Variants in PIK3C2A observed in about 807,000 individuals in gnomAD.
PIK3C2A encodes the protein phosphatidylinositol-4-phosphate 3-kinase catalytic subunit type 2 alpha, also known as phosphatidylinositol 4-phosphate 3-kinase C2 domain-containing subunit alpha.
In PIK3C2A, 97 loss-of-function variants were observed where a neutral mutation model predicts 204.5. The observed-to-expected ratio is 0.47, with a 90% CI of 0.40 to 0.56. The LOEUF (loss-of-function observed/expected upper bound fraction) is 0.56. Among genes scored for constraint, PIK3C2A ranks in the 20% least tolerant of loss-of-function variants. The probability of loss-of-function intolerance (pLI) is 0.00; values close to 1 mark genes in which losing one functional copy is unlikely to be tolerated. For missense variants in PIK3C2A, 1,735 were observed against 1,969.2 expected, an observed-to-expected ratio of 0.88 and a Z score of 2.25; for synonymous variants, 653 against 664.4, an observed-to-expected ratio of 0.98 and a Z score of 0.26.
At chr11:17,149,512 A>G (rs1850360234) in intron 4 of PIK3C2A, among the ~76,000 whole-genome samples, 5 of 152,168 alleles carry the variant, frequency 3.3e-5, no homozygotes, top group Admixed American at 1.3e-4. Flanking sequence ...TCTAGCAAAC[A>G]ATGATTTAAA....
At chr11:17,115,956 T>C (rs1251041441) in intron 19 of PIK3C2A, among the ~76,000 whole-genome samples, 1 of 152,082 alleles carries the variant, frequency 6.6e-6, no homozygotes, top group Non-Finnish European at 1.5e-5. Context: ...AAAACACAGG[T>C]GTACATCTTT....
intron 6 of PIK3C2A, 44 bp from the exon 7 acceptor site, chr11:17,145,986 GTCTT>G (rs2137423748): frequency 2.1e-6 from 3 of 1,401,960 alleles, no homozygotes; most frequent in East Asian, 2.3e-5. Context: ...CCACTCTTTG[GTCTT>G]TCTATTGTCA....
At chr11:17,138,305 G>A in intron 8 of PIK3C2A, 2 of 573,546 alleles carry the variant, frequency 3.5e-6, no homozygotes, top group Non-Finnish European at 6.3e-6. Flanking sequence ...TGCCCCGGAA[G>A]ACGAAAAACA....
At chr11:17,130,635 T>C (rs1365431808) in intron 12 of PIK3C2A, among the ~76,000 whole-genome samples, 1 of 144,798 alleles carries the variant, frequency 6.9e-6, no homozygotes, top group Admixed American at 6.9e-5. Flanking sequence ...CAAAACCCCT[T>C]TTCTACTAAA....
chr11:17,166,997 G>A (rs1473997431), intron 2 of PIK3C2A, among the ~76,000 whole-genome samples: 1 of 152,010 alleles, frequency 6.6e-6, no homozygotes, highest in African/African-American at 2.4e-5. Context: ...TTGAGATAGA[G>A]TCTTGCTCTG....
intron 19 of PIK3C2A, among the ~76,000 whole-genome samples, chr11:17,114,848 C>T (rs1214440190): frequency 6.6e-6 from 1 of 152,100 alleles, no homozygotes; most frequent in Non-Finnish European, 1.5e-5. Context: ...TTTTGTAGAG[C>T]AATGTAACAA....
chr11:17,115,746 T>C (rs1374412967), intron 19 of PIK3C2A: 1 of 152,128 alleles, frequency 6.6e-6, no homozygotes, highest in Non-Finnish European at 1.5e-5. Context: ...TTAGTATATG[T>C]GTTACCGAAG....
rs200227538 is a variant in PIK3C2A at position 17,207,509 on chromosome 11, AGGGGGGCCGGCGGCC to A, written c.-66+324_-66+338del. Among the ~76,000 whole-genome samples the A allele has an allele frequency of 2.4e-3, 361 of 151,920 alleles. 1 individual carries two copies. Among genetic ancestry groups the A allele is most frequent in the Admixed American group, 6.9e-3 (105 of 15,278 alleles). On this transcript the variant is annotated intron_variant, in intron 1 of 32. Transcript: ENST00000691414. The stretch of plus-strand genomic sequence containing the variant: ...CCGGTCCCGCGGGACAAGGCGGGGG[AGGGGGGCCGGCGGCC>A]GGGGGGCCTGCCCTCCTTCTGTGGG...
At chr11:17,175,031 T>C (rs930147482) in intron 1 of PIK3C2A, among the ~76,000 whole-genome samples, 4 of 152,254 alleles carry the variant, frequency 2.6e-5, no homozygotes, top group Admixed American at 1.3e-4. Flanking sequence ...TTGCCACATC[T>C]GGTAATGAAC....
chr11:17,186,700 G>A (rs1464697154), intron 1 of PIK3C2A, among the ~76,000 whole-genome samples: 1 of 152,136 alleles, frequency 6.6e-6, no homozygotes, highest in Non-Finnish European at 1.5e-5. Context: ...AGAGCCACAT[G>A]GCCCTTTTTA....
At chr11:17,194,638 A>C (rs1227561576) in intron 1 of PIK3C2A, among the ~76,000 whole-genome samples, 1 of 152,212 alleles carries the variant, frequency 6.6e-6, no homozygotes, top group Non-Finnish European at 1.5e-5. Context: ...AGCCTGGCGC[A>C]GTGGCTCATG....
At chr11:17,164,771 T>A (rs192344671) in intron 2 of PIK3C2A, among the ~76,000 whole-genome samples, 28 of 152,162 alleles carry the variant, frequency 1.8e-4, no homozygotes, top group African/African-American at 6.8e-4. Context: ...TTCCTAGAGT[T>A]TGAGCAACTA....
chr11:17,109,806 G>C (rs1225101013), intron 22 of PIK3C2A, among the ~76,000 whole-genome samples: 1 of 152,032 alleles, frequency 6.6e-6, no homozygotes, highest in Admixed American at 6.6e-5. Flanking sequence ...AAAATGCTGG[G>C]ATTACAGGTG....
In PIK3C2A at chr11:17,174,710, C is replaced by A. The variant is rs937032315; in HGVS notation, c.-65-4904G>T. ...GGTCAGGAGTTCAAGACCAGCCTGG[C>A]CAACATGGTGAAACCCCATCTCTAC... On this transcript the variant is annotated intron_variant, in intron 1 of 32. Coordinates refer to ENST00000691414, the MANE Select transcript of PIK3C2A (RefSeq NM_002645.4). Among the ~76,000 whole-genome samples the A allele has an allele frequency of 1.9e-4, 29 of 151,938 alleles. No individual in the cohort carries two copies. In the Middle Eastern group the frequency reaches 0.02, roughly 107 times the overall value.
rs1329336955 is a variant in PIK3C2A, at chr11:17,168,789, T to C, written c.953A>G (p.His318Arg). ...LLEERSTANC[H>R]LERKVNGKSL... Reference sequence around the variant, plus strand: ...TTTTCCATTCACCTTTCTTTCAAGATGACAATTTGCTGTCGATCTCTCTTC... The same window carrying C: ...TTTTCCATTCACCTTTCTTTCAAGACGACAATTTGCTGTCGATCTCTCTTC... Residue 318 changes from histidine to arginine, a missense_variant, in exon 2 of 33, where the codon CAT becomes CGT. By Grantham distance (29) the His-to-Arg change is conservative (BLOSUM62 0). Around this residue, in one of 6 missense-constraint regions of PIK3C2A, gnomAD observed 536 missense variants for 546.7 expected, o/e 0.98. Transcript: ENST00000691414. 3.0e-5 allele frequency: 49 copies of C among 1,613,990 alleles called. No homozygotes were observed. The highest frequency in any genetic ancestry group is 3.8e-5 in the Non-Finnish European group (45 of 1,180,010).
At position 17,147,522 on chromosome 11, in the gene PIK3C2A, G is replaced by A. The variant is rs917390877; in HGVS notation, c.1555C>T (p.Arg519Ter). Reference sequence around the variant, plus strand: ...GTTATGAGGTACACACTTACTGTTCGGGCCAGATTTTGACACATTGCACTG... The same window carrying A: ...GTTATGAGGTACACACTTACTGTTCAGGCCAGATTTTGACACATTGCACTG... ...TFSAMCQNLA[R>*]TAEDDETPVD... Residue 519 changes from arginine (R) to a stop codon, truncating the protein, a stop_gained, in exon 6 of 33, where the codon CGA (arginine) becomes TGA (stop). Coordinates refer to ENST00000691414, the MANE Select transcript of PIK3C2A (RefSeq NM_002645.4). LOFTEE classifies it high-confidence loss of function. 4 of 1,572,624 alleles carry A rather than the reference G, an allele frequency of 2.5e-6. No individual in the cohort carries two copies. Among genetic ancestry groups the A allele is most frequent in the African/African-American group, 1.3e-5 (1 of 74,106 alleles).
chr11:17,089,694 C>T lies in PIK3C2A; in HGVS notation c.*44G>A, dbSNP rs775994151. 8 of 1,338,480 alleles carry T rather than the reference C, an allele frequency of 6.0e-6. No homozygotes were observed. In the East Asian group the frequency reaches 6.9e-5, roughly 12 times the overall value. 82.9% of individuals were successfully genotyped at this position (1,338,480 alleles called of 1,614,324 possible). A position where few individuals can be genotyped will look rare whatever the true frequency, so the allele number is the denominator to read the frequency against. ...GTGTGTGTGTGCATGTATGCATGCA[C>T]GTTTATAACTGTTCATGCTTCCAAA... On this transcript the variant is annotated 3_prime_UTR_variant, in exon 33 of 33. Transcript: ENST00000691414.
At chr11:17,146,286 T>G (rs1037348202) in intron 6 of PIK3C2A, among the ~76,000 whole-genome samples, 1 of 152,142 alleles carries the variant, frequency 6.6e-6, no homozygotes, top group African/African-American at 2.4e-5. Flanking sequence ...GCATATGGGG[T>G]AGAAAACAGA....
At chr11:17,092,097 G>A in intron 29 of PIK3C2A, 29 bp from the exon 30 acceptor site, 1 of 1,538,002 alleles carries the variant, frequency 6.5e-7, no homozygotes, top group Non-Finnish European at 9.0e-7. Flanking sequence ...CAATTCATTA[G>A]TTTAAATATT....
Sources: allele counts gnomAD v4.1 joint callset (sites outside exome capture counted in the v4.1 genomes callset), GRCh38; gene constraint gnomAD v4.1.1; regional missense constraint gnomAD v4.1.1; transcripts MANE v1.5; gene names NCBI Gene and HGNC (gene_info 2026-07-23, HGNC 2026-07-21).